GLRX2: variants seen among roughly 807,000 people sequenced by gnomAD.
The protein encoded by GLRX2 is bA101E13.1 (GRX2 glutaredoxin (thioltransferase) 2).
In GLRX2, 12 loss-of-function variants were observed where a neutral mutation model predicts 16.4. The ratio of observed to expected loss-of-function variants is 0.73; its 90% confidence interval spans 0.47 to 1.19. GLRX2 has a LOEUF of 1.19. GLRX2 is among the 50% of genes most tolerant of loss of function. GLRX2 has a pLI of 0.00. For missense variants in GLRX2, 201 were observed against 201.8 expected, an observed-to-expected ratio of 1.00 and a Z score of 0.02; for synonymous variants, 95 against 76.2, an observed-to-expected ratio of 1.25 and a Z score of -1.28.
intron 2 of GLRX2, among the ~76,000 whole-genome samples, chr1:193,098,698 C>A (rs576381991): frequency 1.3e-5 from 2 of 152,092 alleles, no homozygotes; most frequent in East Asian, 3.9e-4. Flanking sequence ...ATTATAGGCA[C>A]CTGCCACCAC....
At chr1:193,105,554 A>G (rs1454479110), upstream of GLRX2, 1 of 1,597,950 alleles carries the variant, frequency 6.3e-7, no homozygotes, top group East Asian at 2.3e-5. Context: ...GGGCTGCCCG[A>G]GCGCTGGATT....
chr1:193,106,014 C>T, upstream of GLRX2: 1 of 989,934 alleles, frequency 1.0e-6, no homozygotes, highest in Non-Finnish European at 1.2e-6. Flanking sequence ...GGAAACAAAA[C>T]AAAAGAAATT....
chr1:193,098,542 CAAAA>C (rs1300287882), intron 2 of GLRX2, among the ~76,000 whole-genome samples: 1 of 151,822 alleles, frequency 6.6e-6, no homozygotes, highest in Non-Finnish European at 1.5e-5. Context: ...AACAAACAAA[CAAAA>C]AAACCAAAAC....
intron 2 of GLRX2, among the ~76,000 whole-genome samples, chr1:193,099,096 A>G (rs1675020793): frequency 6.6e-6 from 1 of 152,180 alleles, no homozygotes; most frequent in African/African-American, 2.4e-5. Flanking sequence ...TGATTCAATG[A>G]GTTTGAGGTA....
chr1:193,105,927 GA>G, upstream of GLRX2: 1 of 1,044,592 alleles, frequency 9.6e-7, no homozygotes, highest in Non-Finnish European at 1.1e-6. Flanking sequence ...ATAATTAAAA[GA>G]AAAAATCCGG....
upstream of GLRX2, chr1:193,105,647 C>T (rs775290178): frequency 5.6e-6 from 9 of 1,598,114 alleles, no homozygotes; most frequent in East Asian, 9.3e-5. Flanking sequence ...ATCCGAGCCC[C>T]GCCTCTGGAT....
chr1:193,098,568 C>A lies in GLRX2; in HGVS notation c.184-808G>T, dbSNP rs949751769. On this transcript the variant is annotated intron_variant, in intron 2 of 3. Transcript: ENST00000367439. ...AAAAAAACCAAAACATTGTACATTT[C>A]TTTTTTTTGAGACAAAGTCTCACTG... Among the ~76,000 whole-genome samples, 6 of 151,918 alleles carry A rather than the reference C, an allele frequency of 3.9e-5. No homozygotes were observed. The East Asian group carries it at 1.2e-3, about 30-fold the overall frequency.
Position 193,105,323 on chromosome 1 carries a change from C to T in GLRX2, c.60G>A (p.Ser20=), listed in dbSNP as rs765281033. The T allele has an allele frequency of 8.6e-6, 13 of 1,517,132 alleles. No individual in the cohort carries two copies. The highest frequency in any genetic ancestry group is 2.9e-5 in the African/African-American group (2 of 70,062). 94.0% of individuals were successfully genotyped at this position (1,517,132 alleles called of 1,614,324 possible). A position where few individuals can be genotyped will look rare whatever the true frequency, so the allele number is the denominator to read the frequency against. Residue 20 remains serine (S), a synonymous_variant, in exon 1 of 4, where the codon TCG becomes TCA. Coordinates refer to ENST00000367439, the MANE Select transcript of GLRX2 (RefSeq NM_197962.3). ...CCGCCGCCCTGTCAAGCCAGCCTGC[C>T]GAGCCGCTCCTGCTCCAAACCAGCC... ...GTRLVWSRSG[S]AGWLDRAAGA...
intron 1 of GLRX2, among the ~76,000 whole-genome samples, chr1:193,104,910 T>G (rs1429794637): frequency 6.6e-6 from 1 of 152,268 alleles, no homozygotes. Flanking sequence ...CTATGTCCAC[T>G]GCAGTATTTG....
chr1:193,097,607 A>G lies in GLRX2; in HGVS notation c.337T>C (p.Tyr113His). 1.2e-6 allele frequency: 2 copies of G among 1,608,012 alleles called. No individual in the cohort carries two copies. The highest frequency in any genetic ancestry group is 8.5e-7 in the Non-Finnish European group (1 of 1,178,054). Residue 113 changes from tyrosine to histidine, a missense_variant, in exon 3 of 4, where the codon TAC (tyrosine) becomes CAC (histidine). Transcript: ENST00000367439. ...EYGNQFQDAL[Y>H]KMTGERTVPR... ...ACAGTTCTTTCACCAGTCATTTTGT[A>G]AAGAGCATCTTGGAACTGGTTTCCA... is the stretch of plus-strand genomic sequence containing the variant.
At chr1:193,103,146 G>C (rs920637423) in intron 1 of GLRX2, among the ~76,000 whole-genome samples, 1 of 152,034 alleles carries the variant, frequency 6.6e-6, no homozygotes, top group South Asian at 2.1e-4. Flanking sequence ...CTTCCTTTAA[G>C]TGAAACGGTG....
At chr1:193,105,754 A>T (rs1438466051), upstream of GLRX2, 1 of 1,397,412 alleles carries the variant, frequency 7.2e-7, no homozygotes, top group Non-Finnish European at 9.3e-7. Context: ...AGGAGAAAAA[A>T]CATGACCATC....
chr1:193,100,944 G>A (rs1432269557), intron 2 of GLRX2, among the ~76,000 whole-genome samples, 197 bp downstream of exon 2: 3 of 152,146 alleles, frequency 2.0e-5, no homozygotes, highest in African/African-American at 4.8e-5. Context: ...AATCTCATAC[G>A]TTTTAATTAC....
rs1004679137 is a variant in GLRX2 at position 193,105,339 on chromosome 1, C to T, written c.44G>A (p.Trp15Ter). 31 of 1,548,174 alleles carry T rather than the reference C, an allele frequency of 2.0e-5. No individual in the cohort carries two copies. The highest frequency in any genetic ancestry group is 2.6e-5 in the Non-Finnish European group (30 of 1,157,358). Residue 15 changes from tryptophan (W) to a stop codon, truncating the protein, a stop_gained, in exon 1 of 4, where the codon TGG (tryptophan) becomes TAG (stop). Transcript: ENST00000367439. LOFTEE classifies it high-confidence loss of function. The part of the protein sequence containing the change: ...RAALAGTRLV[W>*]SRSGSAGWLD... ...CCAGCCTGCCGAGCCGCTCCTGCTC[C>T]AAACCAGCCGCGTCCCCGCCAGCGC...
chr1:193,104,243 G>A (rs890120924), intron 1 of GLRX2, among the ~76,000 whole-genome samples: 2 of 152,164 alleles, frequency 1.3e-5, no homozygotes, highest in Non-Finnish European at 2.9e-5. Flanking sequence ...GGTAAAAACT[G>A]TCGCGAACTA....
intron 1 of GLRX2, among the ~76,000 whole-genome samples, chr1:193,102,393 C>T (rs1007372837): frequency 3.9e-5 from 6 of 152,076 alleles, no homozygotes; most frequent in African/African-American, 1.4e-4. Flanking sequence ...GCTCTGTCAC[C>T]GAGCCTGGAG....
Position 193,096,619 on chromosome 1 carries a change from T to A in GLRX2, c.*6A>T, listed in dbSNP as rs1326159966. ...CACTGTACTAGCAAACTTATTAGTA[T>A]AAACATCACTGAAATTCTTTCCTCT... On this transcript the variant is annotated 3_prime_UTR_variant, in exon 4 of 4. Coordinates refer to ENST00000367439, the MANE Select transcript of GLRX2 (RefSeq NM_197962.3). 1 of 1,540,816 alleles carries A rather than the reference T, an allele frequency of 6.5e-7. No homozygotes were observed.
Position 193,097,572 on chromosome 1 carries a change from G to A in GLRX2, c.360+12C>T, listed in dbSNP as rs779310616. 1 of 1,596,508 alleles carries A rather than the reference G, an allele frequency of 6.3e-7. No homozygotes were observed. The highest frequency in any genetic ancestry group is 1.7e-5 in the Admixed American group (1 of 57,738). On this transcript the variant is annotated intron_variant, in intron 3 of 3. Coordinates refer to ENST00000367439, the MANE Select transcript of GLRX2 (RefSeq NM_197962.3). Reference sequence around the variant, plus strand: ...TATTAAAGAGGAACAGCACCACAGAGGATATACTCACAGTTCTTTCACCAG... The same window carrying A: ...TATTAAAGAGGAACAGCACCACAGAAGATATACTCACAGTTCTTTCACCAG...
chr1:193,105,313 G>C lies in GLRX2; in HGVS notation c.70C>G (p.Leu24Val). The part of the protein sequence containing the change: ...VWSRSGSAGW[L>V]DRAAGAAGAA... ...CCCGCAGCTCCCGCCGCCCTGTCAA[G>C]CCAGCCTGCCGAGCCGCTCCTGCTC... The change falls in exon 1 of 4, where the codon CTT (leucine) becomes GTT (valine). Residue 24 changes from leucine to valine, a missense_variant. Physicochemically the swap from Leu to Val is conservative, Grantham distance 32. Coordinates refer to ENST00000367439, the MANE Select transcript of GLRX2 (RefSeq NM_197962.3). 6.5e-7 allele frequency: 1 copy of C among 1,534,470 alleles called. No homozygotes were observed. Among genetic ancestry groups the C allele is most frequent in the Non-Finnish European group, 8.7e-7 (1 of 1,149,964 alleles).
Sources: allele counts gnomAD v4.1 joint callset (sites outside exome capture counted in the v4.1 genomes callset), GRCh38; gene constraint gnomAD v4.1.1; transcripts MANE v1.5; gene names NCBI Gene and HGNC (gene_info 2026-07-23, HGNC 2026-07-21).